HLF: variants seen among roughly 807,000 people sequenced by gnomAD.
HLF encodes hepatic leukemia factor.
In HLF, 3 loss-of-function variants were observed where a neutral mutation model predicts 22.6. The observed-to-expected ratio is 0.13, with a 90% CI of 0.06 to 0.34. The LOEUF is 0.34. Among genes scored for constraint, HLF ranks in the 10% least tolerant of loss-of-function variants. HLF has a pLI of 1.00. For missense variants in HLF, 299 were observed against 389.2 expected, an observed-to-expected ratio of 0.77 and a Z score of 1.95; for synonymous variants, 151 against 151.8, an observed-to-expected ratio of 0.99 and a Z score of 0.04.
At position 55,315,449 on chromosome 17, in the gene HLF, T is replaced by G; in HGVS notation, c.672+2T>G. On this transcript the variant is annotated splice_donor_variant, in intron 3 of 3. Transcript: ENST00000226067. LOFTEE classifies it high-confidence loss of function. ...GTCTTCATCCCTGATGACCTGAAGGTAAATTGGAACTGGTAATCAGTCTTT... is the reference window on the plus strand; with the variant it reads ...GTCTTCATCCCTGATGACCTGAAGGGAAATTGGAACTGGTAATCAGTCTTT... 1 of 1,608,704 alleles carries G rather than the reference T, an allele frequency of 6.2e-7. No individual in the cohort carries two copies. The highest frequency in any genetic ancestry group is 2.2e-5 in the East Asian group (1 of 44,842).
At chr17:55,274,054 A>T (rs1444222500) in intron 2 of HLF, among the ~76,000 whole-genome samples, 1 of 151,252 alleles carries the variant, frequency 6.6e-6, no homozygotes, top group Non-Finnish European at 1.5e-5. Context: ...CACTGTGCCT[A>T]CCAGACTAGA....
rs976485949 is a variant in HLF, at chr17:55,325,031, C to A, written c.*4152C>A. 1 of 222,096 alleles carries A rather than the reference C, an allele frequency of 4.5e-6. No individual in the cohort carries two copies. Among genetic ancestry groups the A allele is most frequent in the Non-Finnish European group, 9.0e-6 (1 of 110,846 alleles). The allele number at this position is 222,096 out of a possible 1,614,324, so 13.8% of individuals were successfully genotyped here. A position where few individuals can be genotyped will look rare whatever the true frequency, so the allele number is the denominator to read the frequency against. ...TCCAAACCTTTATCTGTCTGTTATT[C>A]TTAATGTTGAATAAACTTTGAATTT... On this transcript the variant is annotated 3_prime_UTR_variant, in exon 4 of 4. Transcript: ENST00000226067.
intron 2 of HLF, chr17:55,272,174 C>T (rs1416789602): frequency 1.3e-5 from 2 of 152,280 alleles, no homozygotes; most frequent in African/African-American, 4.8e-5. Flanking sequence ...TCAATGTTTG[C>T]ATTTTAGATA....
rs1905367412 is a variant in HLF at position 55,324,124 on chromosome 17, AC to A, written c.*3246del. The A allele has an allele frequency of 4.4e-6, 1 of 226,350 alleles. No individual in the cohort carries two copies. The allele number at this position is 226,350 out of a possible 1,614,324, so 14.0% of individuals were successfully genotyped here. A position where few individuals can be genotyped will look rare whatever the true frequency, so the allele number is the denominator to read the frequency against. ...CCATTCAAATACCACATTAGGCAAG[AC>A]TGTGATAGGCCTTTTGTCTTCAAAT... On this transcript the variant is annotated 3_prime_UTR_variant, in exon 4 of 4. Coordinates refer to ENST00000226067, the MANE Select transcript of HLF (RefSeq NM_002126.5).
chr17:55,307,797 A>C (rs188065465), intron 2 of HLF, among the ~76,000 whole-genome samples: 17 of 150,854 alleles, frequency 1.1e-4, no homozygotes, highest in Non-Finnish European at 2.5e-4. Context: ...TCAAACAAAT[A>C]AAAAAGATCG....
At chr17:55,297,698 C>T (rs552313490) in intron 2 of HLF, among the ~76,000 whole-genome samples, 11 of 151,322 alleles carry the variant, frequency 7.3e-5, no homozygotes, top group Admixed American at 2.6e-4. Flanking sequence ...CTTACACTCC[C>T]ACCAACCTGA....
intron 2 of HLF, among the ~76,000 whole-genome samples, chr17:55,289,633 A>AT (rs991129719): frequency 6.6e-6 from 1 of 152,142 alleles, no homozygotes; most frequent in Non-Finnish European, 1.5e-5. Context: ...ATACAGAACA[A>AT]TTTTTTTAAA....
At chr17:55,316,652 C>T (rs1248253290) in intron 3 of HLF, among the ~76,000 whole-genome samples, 1 of 152,212 alleles carries the variant, frequency 6.6e-6, no homozygotes, top group Non-Finnish European at 1.5e-5. Context: ...CGGATCACTA[C>T]CTGTTAGAGA....
intron 2 of HLF, among the ~76,000 whole-genome samples, chr17:55,307,807 G>A (rs1196317870): frequency 5.5e-5 from 8 of 144,198 alleles, no homozygotes; most frequent in African/African-American, 1.3e-4. Context: ...AAAAAAGATC[G>A]TTTGGGATGG....
Position 55,321,937 on chromosome 17 carries a change from A to G in HLF, c.*1058A>G, listed in dbSNP as rs1026130883. 1 of 229,068 alleles carries G rather than the reference A, an allele frequency of 4.4e-6. No individual in the cohort carries two copies. Among genetic ancestry groups the G allele is most frequent in the African/African-American group, 2.2e-5 (1 of 45,034 alleles). 14.2% of individuals were successfully genotyped at this position (229,068 alleles called of 1,614,324 possible). The stretch of plus-strand genomic sequence containing the variant: ...CCATATCCCTCTTGACATTCAAAAC[A>G]GTTACTTAAGATTCAGTTTTCCCAC... On this transcript the variant is annotated 3_prime_UTR_variant, in exon 4 of 4. Transcript: ENST00000226067.
At chr17:55,300,803 C>A (rs2081149934) in intron 2 of HLF, among the ~76,000 whole-genome samples, 2 of 152,212 alleles carry the variant, frequency 1.3e-5, no homozygotes, top group African/African-American at 4.8e-5. Flanking sequence ...CCACAACAAT[C>A]TTTCTGAAAC....
intron 2 of HLF, among the ~76,000 whole-genome samples, chr17:55,301,413 C>G (rs1300022407): frequency 6.6e-6 from 1 of 152,182 alleles, no homozygotes; most frequent in Non-Finnish European, 1.5e-5. Context: ...TGGCCTTTGC[C>G]TGGAAAGATT....
intron 2 of HLF, among the ~76,000 whole-genome samples, chr17:55,282,982 A>G (rs1321100111): frequency 6.6e-6 from 1 of 152,206 alleles, no homozygotes; most frequent in Non-Finnish European, 1.5e-5. Context: ...TTCATGCCGA[A>G]TGGAAACCAC....
Position 55,267,971 on chromosome 17 carries a change from G to T in HLF, c.336G>T (p.Gly112=). The T allele has an allele frequency of 6.2e-7, 1 of 1,614,002 alleles. No individual in the cohort carries two copies. The highest frequency in any genetic ancestry group is 1.1e-5 in the South Asian group (1 of 91,064). ...ATGACCACAGCCCTCACCCTCCTGG[G>T]CTGCAGCCAGCTTCCTCGGCTGCCC... is the stretch of plus-strand genomic sequence containing the variant. ...SQHDHSPHPP[G]LQPASSAAPS... The change falls in exon 2 of 4, where the codon GGG becomes GGT. Residue 112 remains glycine, a synonymous_variant. Coordinates refer to ENST00000226067, the MANE Select transcript of HLF (RefSeq NM_002126.5).
chr17:55,293,465 C>G (rs939348035), intron 2 of HLF, among the ~76,000 whole-genome samples: 5 of 152,118 alleles, frequency 3.3e-5, no homozygotes, highest in Non-Finnish European at 7.4e-5. Context: ...CTACAGAGCT[C>G]CTATCAAACG....
chr17:55,277,992 A>G (rs1199092241), intron 2 of HLF, among the ~76,000 whole-genome samples: 7 of 152,130 alleles, frequency 4.6e-5, no homozygotes, highest in Admixed American at 4.6e-4. Context: ...CTCACTACCC[A>G]TCCAATCTCA....
intron 2 of HLF, among the ~76,000 whole-genome samples, chr17:55,311,861 TC>T (rs1904845782): frequency 6.6e-6 from 1 of 152,178 alleles, no homozygotes; most frequent in African/African-American, 2.4e-5. Context: ...TGTCTACTGT[TC>T]CCAGCATTAT....
rs1277203445 is a variant in HLF, at chr17:55,323,074, T to C, written c.*2195T>C. 4.6e-6 allele frequency: 1 copy of C among 218,880 alleles called. No homozygotes were observed. Among genetic ancestry groups the C allele is most frequent in the Non-Finnish European group, 9.2e-6 (1 of 108,940 alleles). The allele number at this position is 218,880 out of a possible 1,614,324, so 13.6% of individuals were successfully genotyped here. A position where few individuals can be genotyped will look rare whatever the true frequency, so the allele number is the denominator to read the frequency against. ...CAATCCATCAGCAATGCTTCTCTCA[T>C]AGTGTCATAGACTTGGGAAACCCAA... On this transcript the variant is annotated 3_prime_UTR_variant, in exon 4 of 4. Transcript: ENST00000226067.
At position 55,323,541 on chromosome 17, in the gene HLF, T is replaced by G. The variant is rs1217904053; in HGVS notation, c.*2662T>G. The G allele has an allele frequency of 4.7e-6, 1 of 214,270 alleles. No individual in the cohort carries two copies. Among genetic ancestry groups the G allele is most frequent in the Non-Finnish European group, 9.4e-6 (1 of 106,612 alleles). The allele number at this position is 214,270 out of a possible 1,614,324, so 13.3% of individuals were successfully genotyped here. On this transcript the variant is annotated 3_prime_UTR_variant, in exon 4 of 4. Transcript: ENST00000226067. ...AAAGATTCTAATAAAATGTATTCTCTTGTGTGCCAGGAGAGGTTTCAGAAA... is the reference window on the plus strand; with the variant it reads ...AAAGATTCTAATAAAATGTATTCTCGTGTGTGCCAGGAGAGGTTTCAGAAA...
Sources: gnomAD v4.1 joint callset for allele counts (sites outside exome capture counted in the v4.1 genomes callset) on GRCh38, gnomAD v4.1.1 for gene constraint, MANE v1.5 for transcripts, NCBI Gene and HGNC (gene_info 2026-07-23, HGNC 2026-07-21) for gene names.